CRPPA: variants seen among roughly 807,000 people sequenced by gnomAD.
CRPPA encodes the protein D-ribitol-5-phosphate cytidylyltransferase.
Under a neutral mutation model 52.0 loss-of-function variants are expected in CRPPA, and 43 were observed. The ratio of observed to expected loss-of-function variants is 0.83; its 90% CI spans 0.65 to 1.07. CRPPA has a LOEUF of 1.07. CRPPA is among the 50% of genes least tolerant of loss of function. The pLI is 0.00. For missense variants in CRPPA, 629 were observed against 551.7 expected (o/e 1.14, Z -1.40); for synonymous variants, 250 against 203.5 (o/e 1.23, Z -1.94).
chr7:16,148,535 CA>C (rs1053035689), intron 9 of CRPPA, among the ~76,000 whole-genome samples: 4 of 151,482 alleles, frequency 2.6e-5, no homozygotes, highest in African/African-American at 9.7e-5. Flanking sequence ...AAGTCAGGCA[CA>C]AAAAAAGGAA....
chr7:16,232,929 G>T (rs771411146), intron 8 of CRPPA, among the ~76,000 whole-genome samples: 1 of 152,180 alleles, frequency 6.6e-6, no homozygotes, highest in East Asian at 1.9e-4. Flanking sequence ...CATTAAAACA[G>T]TTATTAAAAC....
At chr7:16,177,325 T>C (rs1256481128) in intron 9 of CRPPA, among the ~76,000 whole-genome samples, 1 of 152,118 alleles carries the variant, frequency 6.6e-6, no homozygotes, top group Admixed American at 6.6e-5. Flanking sequence ...AAGTATTACA[T>C]ATAAAATAAC....
intron 9 of CRPPA, among the ~76,000 whole-genome samples, chr7:16,126,037 A>G (rs1782573266): frequency 6.6e-6 from 1 of 152,126 alleles, no homozygotes; most frequent in African/African-American, 2.4e-5. Flanking sequence ...TAGACTGGAA[A>G]CAGAAAACAC....
chr7:16,172,519 G>T (rs1257313645), intron 9 of CRPPA, among the ~76,000 whole-genome samples: 2 of 152,224 alleles, frequency 1.3e-5, no homozygotes, highest in Non-Finnish European at 2.9e-5. Context: ...TGTCATGTCT[G>T]TCAGGTTATT....
At chr7:16,129,433 T>C (rs905270964) in intron 9 of CRPPA, among the ~76,000 whole-genome samples, 6 of 152,156 alleles carry the variant, frequency 3.9e-5, no homozygotes, top group Admixed American at 1.3e-4. Context: ...CTCAAGAAAG[T>C]CTTTGATCTC....
chr7:16,370,699 T>A lies in CRPPA; in HGVS notation c.684+5393A>T, dbSNP rs544970742. Among the ~76,000 whole-genome samples the A allele has an allele frequency of 1.9e-3, 295 of 152,044 alleles. 1 individual carries two copies. The highest frequency in any genetic ancestry group is 6.8e-3 in the African/African-American group (284 of 41,460). On this transcript the variant is annotated intron_variant, in intron 3 of 9. Transcript: ENST00000407010. ...TTGCAGTGCTGTGCAGTAGGGAAAG[T>A]CTGCACCTCTACACCAACAGGCAGG...
At chr7:16,179,313 T>C (rs540176115) in intron 9 of CRPPA, among the ~76,000 whole-genome samples, 2 of 152,214 alleles carry the variant, frequency 1.3e-5, no homozygotes, top group African/African-American at 4.8e-5. Context: ...AAATAAAGCC[T>C]CTCTAAAGAT....
chr7:16,277,546 A>G (rs1784230279), intron 6 of CRPPA, among the ~76,000 whole-genome samples: 1 of 152,198 alleles, frequency 6.6e-6, no homozygotes, highest in African/African-American at 2.4e-5. Flanking sequence ...TGTGGCAAAG[A>G]AAATACTTGA....
chr7:16,231,028 G>A, intron 8 of CRPPA, among the ~76,000 whole-genome samples: 1 of 152,194 alleles, frequency 6.6e-6, no homozygotes, highest in Non-Finnish European at 1.5e-5. Flanking sequence ...TCAGTCTGCA[G>A]TTACTGGCTT....
At chr7:16,286,686 A>G (rs1424587111) in intron 5 of CRPPA, among the ~76,000 whole-genome samples, 2 of 152,176 alleles carry the variant, frequency 1.3e-5, no homozygotes, top group Non-Finnish European at 2.9e-5. Flanking sequence ...GTTGGCTAGG[A>G]AAAGGAATGC....
chr7:16,344,233 G>A (rs989399782), intron 3 of CRPPA, among the ~76,000 whole-genome samples: 1 of 152,030 alleles, frequency 6.6e-6, no homozygotes, highest in Admixed American at 6.6e-5. Context: ...AAGCAGTCAA[G>A]AGAAACTGTC....
intron 9 of CRPPA, chr7:16,209,273 CTTTTT>C (rs34795937): frequency 5.1e-4 from 63 of 123,018 alleles, no homozygotes; most frequent in South Asian, 2.4e-3. Context: ...TTCTAAGTGT[CTTTTT>C]TTTTTTTTTT....
intron 8 of CRPPA, among the ~76,000 whole-genome samples, chr7:16,224,927 C>T (rs934693699): frequency 3.3e-5 from 5 of 152,084 alleles, no homozygotes; most frequent in African/African-American, 1.2e-4. Flanking sequence ...AAAGTCAACT[C>T]ATAATTCTGA....
intron 9 of CRPPA, among the ~76,000 whole-genome samples, chr7:16,195,508 AAGGGCCTCAG>A (rs1016578905): frequency 6.6e-6 from 1 of 152,044 alleles, no homozygotes; most frequent in African/African-American, 2.4e-5. Flanking sequence ...AAGAGCTGGG[AAGGGCCTCAG>A]CTTCCCCCAT....
intron 8 of CRPPA, among the ~76,000 whole-genome samples, chr7:16,257,775 G>T (rs1266790658): frequency 6.6e-6 from 1 of 151,952 alleles, no homozygotes; most frequent in African/African-American, 2.4e-5. Flanking sequence ...AGAGGACTTG[G>T]GCTCTGATTT....
intron 9 of CRPPA, among the ~76,000 whole-genome samples, chr7:16,122,794 T>C (rs986067093): frequency 6.6e-6 from 1 of 152,080 alleles, no homozygotes; most frequent in Non-Finnish European, 1.5e-5. Context: ...GTTTGTCTAA[T>C]TGGTATGGAA....
intron 8 of CRPPA, among the ~76,000 whole-genome samples, chr7:16,254,005 C>T (rs1188304650): frequency 6.6e-6 from 1 of 152,138 alleles, no homozygotes; most frequent in African/African-American, 2.4e-5. Flanking sequence ...CATCACCGGC[C>T]ATCAGAGAAA....
chr7:16,408,108 T>TA (rs912306940), intron 1 of CRPPA, among the ~76,000 whole-genome samples: 28,705 of 137,828 alleles, frequency 0.21, 3,086 homozygotes, highest in East Asian at 0.28. Context: ...ACTCTGTCTT[T>TA]AAAAAAAAAA....
chr7:16,351,235 T>C (rs1476430330), intron 3 of CRPPA, among the ~76,000 whole-genome samples: 1 of 152,076 alleles, frequency 6.6e-6, no homozygotes, highest in East Asian at 1.9e-4. Context: ...TAAGCCCTTC[T>C]TTAAACCTTA....
Sources: gnomAD v4.1 joint callset for allele counts (sites outside exome capture counted in the v4.1 genomes callset) on GRCh38, gnomAD v4.1.1 for gene constraint, MANE v1.5 for transcripts, NCBI Gene and HGNC (gene_info 2026-07-23, HGNC 2026-07-21) for gene names.